Variants in NTNG1 observed in about 807,000 individuals in gnomAD.
NTNG1 encodes netrin-G1.
In NTNG1, 16 loss-of-function variants were observed where a neutral mutation model predicts 54.0. The observed-to-expected ratio is 0.30, with a 90% CI of 0.20 to 0.45. The LOEUF (loss-of-function observed/expected upper bound fraction) is 0.45. Among genes scored for constraint, NTNG1 ranks in the 20% least tolerant of loss-of-function variants. NTNG1 has a pLI of 1.00. For synonymous variants in NTNG1, 255 were observed against 263.1 expected (o/e 0.97, Z 0.30); for missense variants, 530 against 678.7 (o/e 0.78, Z 2.43).
intron 2 of NTNG1, among the ~76,000 whole-genome samples, chr1:107,188,811 A>G (rs772152918): frequency 6.6e-6 from 1 of 152,128 alleles, no homozygotes; most frequent in Non-Finnish European, 1.5e-5. Flanking sequence ...AACTGTGACA[A>G]ATCAGATGCA....
chr1:107,328,464 A>G (rs1305890515), intron 3 of NTNG1, among the ~76,000 whole-genome samples: 1 of 152,162 alleles, frequency 6.6e-6, no homozygotes, highest in Non-Finnish European at 1.5e-5. Context: ...CTAATGGCCA[A>G]AAAGGTCATC....
intron 2 of NTNG1, among the ~76,000 whole-genome samples, chr1:107,167,515 T>C (rs1208784683): frequency 6.6e-6 from 1 of 151,828 alleles, no homozygotes. Context: ...AACTTAAATA[T>C]GGTTTTATGT....
intron 2 of NTNG1, among the ~76,000 whole-genome samples, chr1:107,177,455 C>G (rs1164817733): frequency 6.6e-6 from 1 of 152,038 alleles, no homozygotes; most frequent in Non-Finnish European, 1.5e-5. Context: ...TTGCCTCAGC[C>G]TCTTGAGTAG....
chr1:107,336,633 T>A (rs1570708365), intron 3 of NTNG1, among the ~76,000 whole-genome samples: 1 of 151,904 alleles, frequency 6.6e-6, no homozygotes, highest in Non-Finnish European at 1.5e-5. Flanking sequence ...TTGAACGTCA[T>A]CAAAATTAAC....
At chr1:107,198,538 T>G (rs1658505823) in intron 2 of NTNG1, among the ~76,000 whole-genome samples, 1 of 151,920 alleles carries the variant, frequency 6.6e-6, no homozygotes, top group Non-Finnish European at 1.5e-5. Flanking sequence ...GAAATAATAT[T>G]TGTCCAAAAG....
chr1:107,293,340 CAT>C (rs1481485223), intron 2 of NTNG1, among the ~76,000 whole-genome samples: 4 of 152,128 alleles, frequency 2.6e-5, no homozygotes, highest in African/African-American at 9.7e-5. Context: ...TACCCTTTGA[CAT>C]ATTGATTCAT....
chr1:107,455,426 G>T (rs1419402060), intron 7 of NTNG1, among the ~76,000 whole-genome samples: 1 of 152,226 alleles, frequency 6.6e-6, no homozygotes, highest in Non-Finnish European at 1.5e-5. Context: ...AGCCTAATGT[G>T]GTGCTCAGGA....
intron 7 of NTNG1, among the ~76,000 whole-genome samples, chr1:107,438,367 G>GCT (rs1305498635): frequency 6.6e-5 from 10 of 152,176 alleles, no homozygotes; most frequent in Non-Finnish European, 1.5e-5. Flanking sequence ...ATAAAGCCAT[G>GCT]GTTTAAAAGT....
At chr1:107,241,605 G>A (rs751185476) in intron 2 of NTNG1, among the ~76,000 whole-genome samples, 9 of 152,114 alleles carry the variant, frequency 5.9e-5, no homozygotes, top group Non-Finnish European at 1.0e-4. Flanking sequence ...AACTCAAACA[G>A]GACAAAGCAT....
At chr1:107,418,554 AC>A (rs771988709) in intron 5 of NTNG1, 1 of 1,533,706 alleles carries the variant, frequency 6.5e-7, no homozygotes, top group South Asian at 1.2e-5. Flanking sequence ...AAAATAACAT[AC>A]CCTGATTTTT....
chr1:107,299,791 G>A (rs1008696080), intron 2 of NTNG1, among the ~76,000 whole-genome samples: 2 of 152,120 alleles, frequency 1.3e-5, no homozygotes, highest in South Asian at 2.1e-4. Flanking sequence ...AAGTTAAGCA[G>A]CCTGACAAGA....
chr1:107,335,491 T>C (rs1404760750), intron 3 of NTNG1, among the ~76,000 whole-genome samples: 1 of 151,954 alleles, frequency 6.6e-6, no homozygotes, highest in Non-Finnish European at 1.5e-5. Context: ...TATGTCTTTA[T>C]GAAAATAATT....
chr1:107,170,314 T>G (rs1656126076), intron 2 of NTNG1, among the ~76,000 whole-genome samples: 1 of 152,154 alleles, frequency 6.6e-6, no homozygotes, highest in Non-Finnish European at 1.5e-5. Flanking sequence ...AAATAAGTTA[T>G]TTCTTTTTTT....
At chr1:107,376,501 G>C (rs991342993) in intron 3 of NTNG1, among the ~76,000 whole-genome samples, 3 of 152,014 alleles carry the variant, frequency 2.0e-5, no homozygotes, top group Non-Finnish European at 4.4e-5. Flanking sequence ...AAATTGTCCA[G>C]TGTTGTATAC....
chr1:107,296,619 ATT>A (rs1032212147), intron 2 of NTNG1, among the ~76,000 whole-genome samples: 20 of 148,136 alleles, frequency 1.4e-4, no homozygotes, highest in African/African-American at 4.9e-4. Flanking sequence ...ATGAATATAT[ATT>A]ATTTCTATGA....
chr1:107,418,034 C>G (rs1052398172), intron 5 of NTNG1, among the ~76,000 whole-genome samples: 3 of 152,012 alleles, frequency 2.0e-5, no homozygotes, highest in African/African-American at 7.2e-5. Flanking sequence ...TCTCCATAAG[C>G]CAAAACCACC....
intron 2 of NTNG1, among the ~76,000 whole-genome samples, chr1:107,224,823 G>A (rs1244292381): frequency 6.6e-6 from 1 of 152,140 alleles, no homozygotes; most frequent in Non-Finnish European, 1.5e-5. Context: ...AACTGAGGCT[G>A]AATCTGTAGC....
At chr1:107,369,915 G>A (rs1489962679) in intron 3 of NTNG1, among the ~76,000 whole-genome samples, 1 of 152,088 alleles carries the variant, frequency 6.6e-6, no homozygotes, top group Non-Finnish European at 1.5e-5. Context: ...TGTAAGCGAT[G>A]AAGGTATGAA....
intron 2 of NTNG1, among the ~76,000 whole-genome samples, chr1:107,223,272 G>A (rs902296241): frequency 6.6e-6 from 1 of 151,938 alleles, no homozygotes; most frequent in Non-Finnish European, 1.5e-5. Flanking sequence ...CTGTGTGTGC[G>A]CATGTGTGTG....
Sources: allele counts gnomAD v4.1 joint callset (sites outside exome capture counted in the v4.1 genomes callset), GRCh38; gene constraint gnomAD v4.1.1; transcripts MANE v1.5; gene names NCBI Gene and HGNC (gene_info 2026-07-23, HGNC 2026-07-21).